Variants in MFSD6 observed in about 807,000 individuals in gnomAD.
MFSD6 encodes the protein major facilitator superfamily domain containing 6.
In MFSD6, 26 loss-of-function variants were observed where a neutral mutation model predicts 56.3. The ratio of observed to expected loss-of-function variants is 0.46; its 90% CI spans 0.34 to 0.64. MFSD6 has a LOEUF of 0.64. MFSD6 is among the 30% of genes least tolerant of loss of function. MFSD6 has a pLI of 0.01. For synonymous variants in MFSD6, 331 were observed against 366.9 expected, an observed-to-expected ratio of 0.90 and a Z score of 1.12; for missense variants, 750 against 986.2, an observed-to-expected ratio of 0.76 and a Z score of 3.21.
rs1553519571 is a variant in MFSD6, at chr2:190,455,000, A to ATGTATT, written c.1533-14758_1533-14757insTGTATT. On this transcript the variant is annotated intron_variant, in intron 3 of 7. Coordinates refer to ENST00000392328, the MANE Select transcript of MFSD6 (RefSeq NM_017694.4). The surrounding 1 kb of genome is among the most constrained non-coding windows in gnomAD (Gnocchi z 4.6). ...TATGTATATGTATATGTATATGTAT[A>ATGTATT]ATGTATATGTATATGTATATGTGTG... Among the ~76,000 whole-genome samples, 8 of 46,604 alleles carry ATGTATT rather than the reference A, an allele frequency of 1.7e-4. No individual in the cohort carries two copies. In the East Asian group the frequency reaches 3.8e-3, roughly 22 times the overall value. The allele number at this position is 46,604 out of a possible 152,430, so 30.6% of individuals were successfully genotyped here.
Position 190,489,137 on chromosome 2 carries a change from G to A in MFSD6, c.1792+319G>A, listed in dbSNP as rs1225413522. Among the ~76,000 whole-genome samples the A allele has an allele frequency of 6.6e-6, 1 of 152,192 alleles. No individual in the cohort carries two copies. The highest frequency in any genetic ancestry group is 1.5e-5 in the Non-Finnish European group (1 of 68,022). On this transcript the variant is annotated intron_variant, in intron 5 of 7. Transcript: ENST00000392328. The surrounding 1 kb of genome is among the most constrained non-coding windows in gnomAD (Gnocchi z 6.6). Reference sequence around the variant, plus strand: ...GTCTAAAATAAGGTACCTTAAACCTGCTGATAATAACCCTAAAGGAAATAA... The same window carrying A: ...GTCTAAAATAAGGTACCTTAAACCTACTGATAATAACCCTAAAGGAAATAA...
chr2:190,477,773 G>A (rs1386200135), intron 4 of MFSD6, among the ~76,000 whole-genome samples: 1 of 152,352 alleles, frequency 6.6e-6, no homozygotes. Context: ...ATAGAAAAAT[G>A]TGCTAGGTAG....
chr2:190,452,091 G>T (rs1293752548), intron 3 of MFSD6, among the ~76,000 whole-genome samples: 2 of 149,872 alleles, frequency 1.3e-5, no homozygotes, highest in African/African-American at 2.5e-5. Flanking sequence ...TTTTTTTTCA[G>T]CAACTTCAAA....
intron 3 of MFSD6, among the ~76,000 whole-genome samples, chr2:190,449,653 A>G (rs1418765413): frequency 2.1e-5 from 3 of 140,046 alleles, no homozygotes; most frequent in Non-Finnish European, 3.3e-5. Context: ...AAGAAAATGT[A>G]GCACATATAA....
rs1394059689 is a variant in MFSD6, at chr2:190,434,962, G to A, written c.-53-1015G>A. 6.6e-6 allele frequency among the ~76,000 whole-genome samples: 1 copy of A among 152,176 alleles called. No individual in the cohort carries two copies. The highest frequency in any genetic ancestry group is 2.4e-5 in the African/African-American group (1 of 41,434). ...ATTAGATTTGCATAGGAGCATGAACGCTATTGTGAACTGTGCATGCGAGGG... is the reference window on the plus strand; with the variant it reads ...ATTAGATTTGCATAGGAGCATGAACACTATTGTGAACTGTGCATGCGAGGG... On this transcript the variant is annotated intron_variant, in intron 2 of 7. Transcript: ENST00000392328. The surrounding 1 kb of genome is among the most constrained non-coding windows in gnomAD (Gnocchi z 4.3).
At position 190,412,760 on chromosome 2, in the gene MFSD6, T is replaced by G. The variant is rs969568798; in HGVS notation, c.-175-2532T>G. On this transcript the variant is annotated intron_variant, in intron 1 of 7. Transcript: ENST00000392328. The surrounding 1 kb of genome is among the most constrained non-coding windows in gnomAD (Gnocchi z 4.1). ...CAGCCTGATTTGTTTTCCTAAATTC[T>G]GAATGATACGTTATCCAGTACTTAG... 6.8e-6 allele frequency: 2 copies of G among 295,210 alleles called. No individual in the cohort carries two copies. Among genetic ancestry groups the G allele is most frequent in the African/African-American group, 2.3e-5 (1 of 43,884 alleles). 18.3% of individuals were successfully genotyped at this position (295,210 alleles called of 1,614,324 possible). A position where few individuals can be genotyped will look rare whatever the true frequency, so the allele number is the denominator to read the frequency against.
At position 190,487,605 on chromosome 2, in the gene MFSD6, A is replaced by T. The variant is rs1161774929; in HGVS notation, c.1631-1052A>T. On this transcript the variant is annotated intron_variant, in intron 4 of 7. Transcript: ENST00000392328. This position sits in a 1 kb window ranked among gnomAD's most constrained non-coding sequence, Gnocchi z 5.5. ...AAATGGGCAAAGGAATTGAATAAACATTTCTTCAAAGAAGATATAGATGGC... is the reference window on the plus strand; with the variant it reads ...AAATGGGCAAAGGAATTGAATAAACTTTTCTTCAAAGAAGATATAGATGGC... Among the ~76,000 whole-genome samples, 1 of 152,214 alleles carries T rather than the reference A, an allele frequency of 6.6e-6. No homozygotes were observed. Among genetic ancestry groups the T allele is most frequent in the African/African-American group, 2.4e-5 (1 of 41,450 alleles).
chr2:190,497,672 A>T lies in MFSD6; in HGVS notation c.2125A>T (p.Met709Leu). 3 of 1,614,170 alleles carry T rather than the reference A, an allele frequency of 1.9e-6. No homozygotes were observed. Among genetic ancestry groups the T allele is most frequent in the Non-Finnish European group, 2.5e-6 (3 of 1,179,994 alleles). ...VYALYQIKEMMQLTRDNRASE... is the reference protein window; with the variant it reads ...VYALYQIKEMLQLTRDNRASE... ...TGCACTCTACCAAATTAAAGAGATGATGCAACTCACAAGAGACAACCGTGC... is the reference window on the plus strand; with the variant it reads ...TGCACTCTACCAAATTAAAGAGATGTTGCAACTCACAAGAGACAACCGTGC... Residue 709 changes from methionine (M) to leucine (L), a missense_variant, in exon 7 of 8, where the codon ATG becomes TTG. Around this residue, in one of 5 missense-constraint regions of MFSD6, gnomAD observed 172 missense variants for 203.9 expected, o/e 0.84. Transcript: ENST00000392328. This position sits in a 1 kb window ranked among gnomAD's most constrained non-coding sequence, Gnocchi z 5.2.
rs1199004201 is a variant in MFSD6 at position 190,467,674 on chromosome 2, A to G, written c.1533-2084A>G. The stretch of plus-strand genomic sequence containing the variant: ...AGTGGCAAGCTGTGGCTCACTGACC[A>G]AATCTGGCCTGCTGCCTGTTTTTAT... On this transcript the variant is annotated intron_variant, in intron 3 of 7. Transcript: ENST00000392328. This position sits in a 1 kb window ranked among gnomAD's most constrained non-coding sequence, Gnocchi z 5.5. Among the ~76,000 whole-genome samples, 1 of 152,206 alleles carries G rather than the reference A, an allele frequency of 6.6e-6. No homozygotes were observed. The highest frequency in any genetic ancestry group is 6.5e-5 in the Admixed American group (1 of 15,278).
rs1690390672 is a variant in MFSD6, at chr2:190,408,382, A to G, written c.-297A>G. The G allele has an allele frequency of 1.3e-5, 2 of 150,096 alleles. No homozygotes were observed. The highest frequency in any genetic ancestry group is 2.0e-4 in the East Asian group (1 of 5,016). 9.3% of individuals were successfully genotyped at this position (150,096 alleles called of 1,614,324 possible). A position where few individuals can be genotyped will look rare whatever the true frequency, so the allele number is the denominator to read the frequency against. ...CGCAGCCCCGGAGGAGCGCGCGAGCAGCCCGGGATGGTGCGCGCTGCCCCG... is the reference window on the plus strand; with the variant it reads ...CGCAGCCCCGGAGGAGCGCGCGAGCGGCCCGGGATGGTGCGCGCTGCCCCG... On this transcript the variant is annotated 5_prime_UTR_variant, in exon 1 of 8. Transcript: ENST00000392328.
At chr2:190,420,489 C>T (rs1685571071) in intron 2 of MFSD6, among the ~76,000 whole-genome samples, 1 of 152,184 alleles carries the variant, frequency 6.6e-6, no homozygotes, top group Non-Finnish European at 1.5e-5. Flanking sequence ...AGGGCTTCAA[C>T]TTATTAATTT....
Position 190,472,728 on chromosome 2 carries a change from T to C in MFSD6, c.1630+2873T>C, listed in dbSNP as rs1165846295. On this transcript the variant is annotated intron_variant, in intron 4 of 7. Coordinates refer to ENST00000392328, the MANE Select transcript of MFSD6 (RefSeq NM_017694.4). ...CAGGCCAACATTCAAATTCAGGAAA[T>C]ATAGAGAAGCCACAAAGATACTCCT... Among the ~76,000 whole-genome samples, 12 of 152,044 alleles carry C rather than the reference T, an allele frequency of 7.9e-5. No individual in the cohort carries two copies. The East Asian group carries it at 2.1e-3, about 27-fold the overall frequency.
chr2:190,476,861 G>A (rs1304604097), intron 4 of MFSD6, among the ~76,000 whole-genome samples: 22 of 152,028 alleles, frequency 1.4e-4, no homozygotes, highest in Non-Finnish European at 2.4e-4. Context: ...ACACCATGGA[G>A]TACTATGCAG....
In MFSD6 at chr2:190,439,626, A is replaced by C. The variant is rs1464406834; in HGVS notation, c.1532+2065A>C. Among the ~76,000 whole-genome samples, 1 of 152,164 alleles carries C rather than the reference A, an allele frequency of 6.6e-6. No individual in the cohort carries two copies. The highest frequency in any genetic ancestry group is 1.5e-5 in the Non-Finnish European group (1 of 68,038). ...CTTTCCTGTGTAGTATTAGTTACTCATCATTTCAAAATTCACTTAACCTTA... is the reference window on the plus strand; with the variant it reads ...CTTTCCTGTGTAGTATTAGTTACTCCTCATTTCAAAATTCACTTAACCTTA... On this transcript the variant is annotated intron_variant, in intron 3 of 7. Coordinates refer to ENST00000392328, the MANE Select transcript of MFSD6 (RefSeq NM_017694.4). The surrounding 1 kb of genome is among the most constrained non-coding windows in gnomAD (Gnocchi z 5.8).
rs74900780 is a variant in MFSD6, at chr2:190,447,098, A to T, written c.1532+9537A>T. Among the ~76,000 whole-genome samples the T allele has an allele frequency of 6.6e-6, 1 of 152,030 alleles. No individual in the cohort carries two copies. The highest frequency in any genetic ancestry group is 1.5e-5 in the Non-Finnish European group (1 of 67,992). ...TGATTCATAGGCTCAGTAAAAAAAA[A>T]AACTTGAAAGGATGTCTTGACACAC... On this transcript the variant is annotated intron_variant, in intron 3 of 7. Transcript: ENST00000392328. This position sits in a 1 kb window ranked among gnomAD's most constrained non-coding sequence, Gnocchi z 4.5.
rs1047853233 is a variant in MFSD6, at chr2:190,463,776, C to T, written c.1533-5982C>T. 3.1e-5 allele frequency: 20 copies of T among 648,302 alleles called. No homozygotes were observed. The highest frequency in any genetic ancestry group is 7.8e-4 in the Middle Eastern group (1 of 1,280). 40.2% of individuals were successfully genotyped at this position (648,302 alleles called of 1,614,324 possible). On this transcript the variant is annotated intron_variant, in intron 3 of 7. Transcript: ENST00000392328. This position sits in a 1 kb window ranked among gnomAD's most constrained non-coding sequence, Gnocchi z 4.4. ...TCAAGGCTGCATTGAGCTGTGATGA[C>T]GCTACTGCACTCCAGCCTGGGTAAC...
At position 190,462,183 on chromosome 2, in the gene MFSD6, T is replaced by C. The variant is rs1476356683; in HGVS notation, c.1533-7575T>C. The stretch of plus-strand genomic sequence containing the variant: ...ATATGGATATGAATTGATTCCATAT[T>C]GAGTACACATACAGACATTTTATGG... On this transcript the variant is annotated intron_variant, in intron 3 of 7. Coordinates refer to ENST00000392328, the MANE Select transcript of MFSD6 (RefSeq NM_017694.4). The surrounding 1 kb of genome is among the most constrained non-coding windows in gnomAD (Gnocchi z 5.7). 2.0e-5 allele frequency among the ~76,000 whole-genome samples: 3 copies of C among 152,180 alleles called. No homozygotes were observed. The highest frequency in any genetic ancestry group is 7.2e-5 in the African/African-American group (3 of 41,448).
chr2:190,468,994 A>G (rs1687759588), intron 3 of MFSD6, among the ~76,000 whole-genome samples: 1 of 152,094 alleles, frequency 6.6e-6, no homozygotes, highest in African/African-American at 2.4e-5. Context: ...CCAGTTCAGA[A>G]CGAGAGACTG....
Position 190,424,763 on chromosome 2 carries a change from T to C in MFSD6, c.-54+9350T>C, listed in dbSNP as rs993985465. On this transcript the variant is annotated intron_variant, in intron 2 of 7. Transcript: ENST00000392328. The surrounding 1 kb of genome is among the most constrained non-coding windows in gnomAD (Gnocchi z 5.9). Reference sequence around the variant, plus strand: ...GTTGGGCATATTTGGGTGGATTTGTTCTGGGTTCTGTATTCTGTTACATTG... The same window carrying C: ...GTTGGGCATATTTGGGTGGATTTGTCCTGGGTTCTGTATTCTGTTACATTG... 1.3e-5 allele frequency among the ~76,000 whole-genome samples: 2 copies of C among 152,226 alleles called. No individual in the cohort carries two copies. The highest frequency in any genetic ancestry group is 2.9e-5 in the Non-Finnish European group (2 of 68,038).
Sources: gnomAD v4.1 joint callset for allele counts (sites outside exome capture counted in the v4.1 genomes callset) on GRCh38, gnomAD v4.1.1 for gene constraint, gnomAD v4.1.1 regional missense constraint, Gnocchi (gnomAD v3.1) non-coding constraint, MANE v1.5 for transcripts, NCBI Gene and HGNC (gene_info 2026-07-23, HGNC 2026-07-21) for gene names.